CHN2: variants seen among roughly 807,000 people sequenced by gnomAD.
CHN2 encodes the protein chimerin 2, also known as beta-chimaerin.
In CHN2, 35 loss-of-function variants were observed where a neutral mutation model predicts 56.3. The ratio of observed to expected loss-of-function variants is 0.62; its 90% confidence interval spans 0.47 to 0.82. The LOEUF (loss-of-function observed/expected upper bound fraction) is 0.82. Among genes scored for constraint, CHN2 ranks in the 40% least tolerant of loss-of-function variants. CHN2 has a pLI of 0.00. For synonymous variants in CHN2, 210 were observed against 212.8 expected, an observed-to-expected ratio of 0.99 and a Z score of 0.12; for missense variants, 491 against 580.5, an observed-to-expected ratio of 0.85 and a Z score of 1.58.
intron 2 of CHN2, among the ~76,000 whole-genome samples, chr7:29,366,954 T>G (rs1424062246): frequency 6.6e-6 from 1 of 152,242 alleles, no homozygotes; most frequent in Non-Finnish European, 1.5e-5. Flanking sequence ...TCAGAAAGTT[T>G]TGCTTATCTT....
chr7:29,440,684 CAAAAAAAAAAAAAAA>C (rs556692737), intron 6 of CHN2, among the ~76,000 whole-genome samples: 563 of 45,690 alleles, frequency 0.012, 5 homozygotes, highest in African/African-American at 0.019. Context: ...GACTCCGTCT[CAAAAAAAAAAAAAAA>C]AAAAAAAAAA....
chr7:29,261,367 C>T (rs1214390494), intron 1 of CHN2, among the ~76,000 whole-genome samples: 1 of 152,144 alleles, frequency 6.6e-6, no homozygotes, highest in Non-Finnish European at 1.5e-5. Flanking sequence ...CATCTCCAAA[C>T]CCATTGAGAG....
At chr7:29,387,257 T>G (rs1329756108) in intron 3 of CHN2, among the ~76,000 whole-genome samples, 1 of 152,208 alleles carries the variant, frequency 6.6e-6, no homozygotes, top group Admixed American at 6.5e-5. Flanking sequence ...TGAAACAGCC[T>G]TATTAAAATA....
At chr7:29,302,769 C>A (rs1318724910) in intron 1 of CHN2, among the ~76,000 whole-genome samples, 1 of 152,100 alleles carries the variant, frequency 6.6e-6, no homozygotes, top group Middle Eastern at 3.2e-3. Context: ...TATTCTCCTC[C>A]CCTCTCCAGA....
chr7:29,190,951 CT>C (rs903404885), upstream of CHN2, among the ~76,000 whole-genome samples: 2 of 151,382 alleles, frequency 1.3e-5, no homozygotes, highest in African/African-American at 2.4e-5. Flanking sequence ...TTTTTTTTCC[CT>C]GAGACAGGGC....
chr7:29,413,332 T>G (rs1803423317), intron 6 of CHN2, among the ~76,000 whole-genome samples: 1 of 152,202 alleles, frequency 6.6e-6, no homozygotes, highest in Non-Finnish European at 1.5e-5. Flanking sequence ...AATACCCAAG[T>G]TGAGGATTAG....
chr7:29,170,505 A>G (rs1796460347), intron 2 of CHN2, among the ~76,000 whole-genome samples: 1 of 152,218 alleles, frequency 6.6e-6, no homozygotes, highest in African/African-American at 2.4e-5. Context: ...GGACGAATTT[A>G]AGTAATTTGT....
intron 2 of CHN2, among the ~76,000 whole-genome samples, chr7:29,365,352 C>T (rs996793552): frequency 2.0e-5 from 3 of 152,190 alleles, no homozygotes; most frequent in African/African-American, 4.8e-5. Flanking sequence ...ATGATCCCTT[C>T]CTTCGTGGCA....
intron 1 of CHN2, among the ~76,000 whole-genome samples, chr7:29,244,799 T>A (rs867034206): frequency 1.3e-5 from 2 of 152,230 alleles, no homozygotes; most frequent in African/African-American, 2.4e-5. Context: ...TTTGGTTTCC[T>A]GGTCTTTTAA....
chr7:29,280,658 A>G (rs987270414), intron 1 of CHN2, among the ~76,000 whole-genome samples: 2 of 152,226 alleles, frequency 1.3e-5, no homozygotes, highest in Non-Finnish European at 2.9e-5. Flanking sequence ...AGCTGAACAG[A>G]GAAGGCAGAT....
At chr7:29,276,412 T>C (rs1584941252) in intron 1 of CHN2, among the ~76,000 whole-genome samples, 1 of 152,150 alleles carries the variant, frequency 6.6e-6, no homozygotes, top group African/African-American at 2.4e-5. Flanking sequence ...CAAGGCAGTT[T>C]GGTGGAGCAG....
intron 2 of CHN2, among the ~76,000 whole-genome samples, chr7:29,365,344 G>A (rs1193802658): frequency 6.6e-6 from 1 of 152,210 alleles, no homozygotes; most frequent in Non-Finnish European, 1.5e-5. Context: ...AAACAAGCAT[G>A]ATCCCTTCCT....
intron 1 of CHN2, among the ~76,000 whole-genome samples, chr7:29,231,240 G>A (rs1786678482): frequency 6.6e-6 from 1 of 152,142 alleles, no homozygotes; most frequent in Non-Finnish European, 1.5e-5. Flanking sequence ...TTGGTACTTG[G>A]TCCACTGTTT....
chr7:29,474,140 T>C (rs945625019), intron 6 of CHN2, among the ~76,000 whole-genome samples: 1 of 152,194 alleles, frequency 6.6e-6, no homozygotes, highest in South Asian at 2.1e-4. Flanking sequence ...CTGGGAATTA[T>C]ACTATACATG....
upstream of CHN2, chr7:29,194,607 G>C (rs993370735): frequency 3.8e-6 from 1 of 259,888 alleles, no homozygotes; most frequent in African/African-American, 2.2e-5. Flanking sequence ...GCGCACAGGG[G>C]AGCGTGGACG....
rs1402369765 is a variant in CHN2 at position 29,316,910 on chromosome 7, AT to A, written c.50-37714del. On this transcript the variant is annotated intron_variant, in intron 1 of 12. Transcript: ENST00000222792. The stretch of plus-strand genomic sequence containing the variant: ...TTATTTGCTCTGCTGATAAAAAAAA[AT>A]GTTTTATTGCTACAAAAAGGGGTGT... Among the ~76,000 whole-genome samples the A allele has an allele frequency of 2.0e-5, 3 of 152,168 alleles. No homozygotes were observed. The East Asian group carries it at 5.8e-4, about 29-fold the overall frequency.
chr7:29,302,665 A>G (rs1011731000), intron 1 of CHN2, among the ~76,000 whole-genome samples: 1 of 152,012 alleles, frequency 6.6e-6, no homozygotes, highest in African/African-American at 2.4e-5. Flanking sequence ...TTTGATGTCC[A>G]TTCACAGTGT....
At chr7:29,337,368 A>G (rs1796708450) in intron 1 of CHN2, among the ~76,000 whole-genome samples, 2 of 152,218 alleles carry the variant, frequency 1.3e-5, no homozygotes, top group African/African-American at 4.8e-5. Flanking sequence ...TGCTGCGATT[A>G]GGAAGACAAA....
At chr7:29,400,503 T>C (rs755503005) in intron 5 of CHN2, 40 bp from the exon 6 acceptor site, 1 of 1,598,324 alleles carries the variant, frequency 6.3e-7, no homozygotes, top group East Asian at 2.2e-5. Flanking sequence ...ACTGTGCTTA[T>C]TTCTAACGTG....
Sources: allele counts gnomAD v4.1 joint callset (sites outside exome capture counted in the v4.1 genomes callset), GRCh38; gene constraint gnomAD v4.1.1; transcripts MANE v1.5; gene names NCBI Gene and HGNC (gene_info 2026-07-23, HGNC 2026-07-21).